Variants in SHC3 observed in about 807,000 individuals in gnomAD.
SHC3 encodes SHC adaptor protein 3, also known as SHC-transforming protein 3.
A neutral mutation model predicts 60.4 loss-of-function variants in SHC3; 15 were observed. The observed-to-expected ratio is 0.25, with a 90% confidence interval of 0.17 to 0.38. The LOEUF is 0.38. SHC3 is among the 10% of genes least tolerant of loss of function. The probability of loss-of-function intolerance (pLI) is 1.00; values close to 1 mark genes in which losing one functional copy is unlikely to be tolerated. For missense variants in SHC3, 677 were observed against 786.1 expected, an observed-to-expected ratio of 0.86 and a Z score of 1.66; for synonymous variants, 294 against 325.9, an observed-to-expected ratio of 0.90 and a Z score of 1.05.
chr9:89,134,876 T>C (rs763525324), intron 1 of SHC3, among the ~76,000 whole-genome samples: 28 of 152,114 alleles, frequency 1.8e-4, no homozygotes, highest in Admixed American at 6.6e-5. Flanking sequence ...ACTGAAGTAA[T>C]CTTTCTGACT....
chr9:89,058,882 A>AG (rs1825006255), intron 6 of SHC3, among the ~76,000 whole-genome samples: 1 of 122,244 alleles, frequency 8.2e-6, no homozygotes, highest in Non-Finnish European at 1.7e-5. Context: ...GGTGGAAGAC[A>AG]TGGTGGAGGA....
At chr9:89,120,222 G>A (rs1310753378) in intron 1 of SHC3, among the ~76,000 whole-genome samples, 1 of 152,102 alleles carries the variant, frequency 6.6e-6, no homozygotes, top group Non-Finnish European at 1.5e-5. Context: ...AAGGCCATAA[G>A]TGAACTCATG....
chr9:89,020,150 G>A (rs1826174092), intron 11 of SHC3, among the ~76,000 whole-genome samples: 1 of 152,148 alleles, frequency 6.6e-6, no homozygotes. Flanking sequence ...GGCTAGGGCA[G>A]AAATGCACAC....
chr9:89,172,371 AG>A (rs1409392703), intron 1 of SHC3, among the ~76,000 whole-genome samples: 1 of 152,112 alleles, frequency 6.6e-6, no homozygotes, highest in African/African-American at 2.4e-5. Context: ...TTTGGTTGGG[AG>A]GGGAGAGGCA....
In SHC3 at chr9:89,013,412, C is replaced by T. The variant is rs111993758; in HGVS notation, c.*35G>A. The T allele has an allele frequency of 3.2e-5, 48 of 1,510,982 alleles. No individual in the cohort carries two copies. The African/African-American group carries it at 3.8e-4, about 12-fold the overall frequency. 93.6% of individuals were successfully genotyped at this position (1,510,982 alleles called of 1,614,324 possible). On this transcript the variant is annotated 3_prime_UTR_variant, in exon 12 of 12. Coordinates refer to ENST00000375835, the MANE Select transcript of SHC3 (RefSeq NM_016848.6). ...TCTAGTCCACTCCAGGTCCTCCTGACCTGGTGCGCAGTGCTGGGAGCAGTG... is the reference window on the plus strand; with the variant it reads ...TCTAGTCCACTCCAGGTCCTCCTGATCTGGTGCGCAGTGCTGGGAGCAGTG...
chr9:89,088,206 C>T (rs1306975642), intron 2 of SHC3, among the ~76,000 whole-genome samples: 1 of 152,208 alleles, frequency 6.6e-6, no homozygotes, highest in East Asian at 1.9e-4. Context: ...AACCCCGACA[C>T]TCCTTTCATT....
chr9:89,176,465 G>C (rs1461646355), intron 1 of SHC3, among the ~76,000 whole-genome samples: 68 of 152,312 alleles, frequency 4.5e-4, no homozygotes, highest in Non-Finnish European at 5.9e-5. Context: ...ATGACAGGTA[G>C]AAAAAGCTTT....
chr9:89,021,046 G>T (rs996991613), intron 11 of SHC3, among the ~76,000 whole-genome samples: 3 of 152,180 alleles, frequency 2.0e-5, no homozygotes, highest in Admixed American at 6.5e-5. Flanking sequence ...GGGACATTTC[G>T]CACTGAGCTT....
intron 2 of SHC3, among the ~76,000 whole-genome samples, chr9:89,082,075 A>T (rs958363246): frequency 6.6e-6 from 1 of 152,054 alleles, no homozygotes; most frequent in African/African-American, 2.4e-5. Context: ...TGCCCTGTGT[A>T]AGTTACTTGT....
At chr9:89,042,732 A>G (rs1034740026) in intron 9 of SHC3, among the ~76,000 whole-genome samples, 1 of 152,188 alleles carries the variant, frequency 6.6e-6, no homozygotes, top group African/African-American at 2.4e-5. Context: ...AAGGAAGCCC[A>G]GGGTGGGTGT....
intron 1 of SHC3, among the ~76,000 whole-genome samples, chr9:89,166,190 T>C (rs1427014509): frequency 6.6e-6 from 1 of 152,112 alleles, no homozygotes; most frequent in Non-Finnish European, 1.5e-5. Context: ...TTGGGCTCCA[T>C]TTCAGTATCA....
intron 2 of SHC3, among the ~76,000 whole-genome samples, chr9:89,106,984 G>C (rs917485075): frequency 6.6e-6 from 1 of 152,110 alleles, no homozygotes; most frequent in Non-Finnish European, 1.5e-5. Context: ...CTAACGGCAG[G>C]AAGGCTCCAG....
At chr9:89,028,564 C>G (rs1455740126) in intron 11 of SHC3, among the ~76,000 whole-genome samples, 4 of 142,384 alleles carry the variant, frequency 2.8e-5, no homozygotes, top group Admixed American at 7.0e-5. Flanking sequence ...TATATCTAAT[C>G]TAGATATAGA....
At chr9:89,080,624 A>C (rs992866138) in intron 2 of SHC3, among the ~76,000 whole-genome samples, 9 of 152,062 alleles carry the variant, frequency 5.9e-5, no homozygotes, top group African/African-American at 2.2e-4. Flanking sequence ...GCAGGAAAAA[A>C]TTATGTTGGG....
chr9:89,054,116 A>G (rs1392156507), intron 6 of SHC3, among the ~76,000 whole-genome samples: 1 of 152,184 alleles, frequency 6.6e-6, no homozygotes, highest in Non-Finnish European at 1.5e-5. Flanking sequence ...GGGCTGTACA[A>G]TCTCATCCAC....
In SHC3 at chr9:89,165,352, TAGTA is replaced by T. The variant is rs567647629; in HGVS notation, c.474+12631_474+12634del. ...GGATTATCTCTGAGAAGAATAAAAT[TAGTA>T]AGTGTCAGGAAGAGAACTGAGAGGA... On this transcript the variant is annotated intron_variant, in intron 1 of 11. Coordinates refer to ENST00000375835, the MANE Select transcript of SHC3 (RefSeq NM_016848.6). Among the ~76,000 whole-genome samples the T allele has an allele frequency of 1.5e-3, 231 of 152,010 alleles. 2 individuals are homozygous for T. The highest frequency in any genetic ancestry group is 0.011 in the South Asian group (54 of 4,820).
At chr9:89,109,964 C>T in intron 2 of SHC3, 1 of 985,402 alleles carries the variant, frequency 1.0e-6, no homozygotes, top group Non-Finnish European at 1.2e-6. Flanking sequence ...TATACCTATG[C>T]CTCATTGTTT....
intron 1 of SHC3, among the ~76,000 whole-genome samples, chr9:89,123,262 T>TA (rs560570218): frequency 2.3e-3 from 345 of 152,220 alleles, no homozygotes; most frequent in African/African-American, 7.8e-3. Context: ...CTTCAAATAA[T>TA]AAAAAAACTA....
chr9:89,095,423 C>T (rs7037454), intron 2 of SHC3, among the ~76,000 whole-genome samples: 1 of 151,924 alleles, frequency 6.6e-6, no homozygotes, highest in African/African-American at 2.4e-5. Context: ...AGAGACAGAA[C>T]GCAGAGTGGG....
Sources: allele counts gnomAD v4.1 joint callset (sites outside exome capture counted in the v4.1 genomes callset), GRCh38; gene constraint gnomAD v4.1.1; transcripts MANE v1.5; gene names NCBI Gene and HGNC (gene_info 2026-07-23, HGNC 2026-07-21).